The following RUNX1 variants were observed in gnomAD, a reference collection of about 807,000 sequenced individuals.
The protein encoded by RUNX1 is runt-related transcription factor 1.
A neutral mutation model predicts 42.8 loss-of-function variants in RUNX1; 19 were observed. The observed-to-expected ratio is 0.44, with a 90% CI of 0.31 to 0.65. The LOEUF (loss-of-function observed/expected upper bound fraction) is 0.65. Ranked by LOEUF, RUNX1 falls within the 30% of genes least tolerant of loss-of-function variation. The pLI is 0.07. For synonymous variants in RUNX1, 271 were observed against 289.4 expected, an observed-to-expected ratio of 0.94 and a Z score of 0.64; for missense variants, 528 against 672.0, an observed-to-expected ratio of 0.79 and a Z score of 2.37.
At chr21:35,016,059 C>T (rs1326009545) in intron 2 of RUNX1, among the ~76,000 whole-genome samples, 2 of 152,190 alleles carry the variant, frequency 1.3e-5, no homozygotes, top group Non-Finnish European at 2.9e-5. Flanking sequence ...AGCCTGGTCA[C>T]CTAATAACAG....
At chr21:34,798,411 T>C (rs963465644) in intron 8 of RUNX1, among the ~76,000 whole-genome samples, 1 of 152,218 alleles carries the variant, frequency 6.6e-6, no homozygotes, top group Non-Finnish European at 1.5e-5. Flanking sequence ...AAAGGGCTCA[T>C]AGGTTAAATG....
chr21:34,882,880 C>T (rs773383023), intron 4 of RUNX1, among the ~76,000 whole-genome samples: 3 of 152,150 alleles, frequency 2.0e-5, no homozygotes, highest in Non-Finnish European at 4.4e-5. Context: ...GTAACCCAGG[C>T]TTCTCTATTG....
Position 34,922,204 on chromosome 21 carries a change from G to A in RUNX1, c.59-29241C>T, listed in dbSNP as rs1601573330. On this transcript the variant is annotated intron_variant, in intron 2 of 8. Coordinates refer to ENST00000675419, the MANE Select transcript of RUNX1 (RefSeq NM_001754.5). The stretch of plus-strand genomic sequence containing the variant: ...GAGGCTGGTGCTCTGTGTGCCACAA[G>A]CAAGGTGTGTGCCGGTTCTAGAGGA... 9.2e-5 allele frequency among the ~76,000 whole-genome samples: 14 copies of A among 152,280 alleles called. 1 individual carries two copies. The South Asian group carries it at 2.9e-3, about 32-fold the overall frequency.
intron 7 of RUNX1, among the ~76,000 whole-genome samples, chr21:34,813,795 A>T (rs8129904): frequency 0.071 from 10,816 of 151,972 alleles, 971 homozygotes; most frequent in African/African-American, 0.22. Flanking sequence ...CTAATGTCTT[A>T]TGGAATGATA....
chr21:34,952,828 A>G (rs989659541), intron 2 of RUNX1, among the ~76,000 whole-genome samples: 1 of 152,056 alleles, frequency 6.6e-6, no homozygotes, highest in Non-Finnish European at 1.5e-5. Context: ...CTCATTAACT[A>G]CCTCCTCACA....
Position 34,788,576 on chromosome 21 carries a change from A to T in RUNX1, c.*3559T>A, listed in dbSNP as rs2056397924. On this transcript the variant is annotated 3_prime_UTR_variant, in exon 9 of 9. Coordinates refer to ENST00000675419, the MANE Select transcript of RUNX1 (RefSeq NM_001754.5). ...CACAAAAAAATTGAAAAAAAGTTAT[A>T]GGCATTAACAATATTTTATAATGAA... is the stretch of plus-strand genomic sequence containing the variant. 4.3e-6 allele frequency: 1 copy of T among 233,106 alleles called. No individual in the cohort carries two copies. 14.4% of individuals were successfully genotyped at this position (233,106 alleles called of 1,614,324 possible).
At chr21:34,851,631 A>G (rs2057420375) in intron 6 of RUNX1, among the ~76,000 whole-genome samples, 3 of 152,204 alleles carry the variant, frequency 2.0e-5, no homozygotes, top group African/African-American at 7.2e-5. Flanking sequence ...AATTCTAACA[A>G]GGACTGCAAT....
chr21:34,914,403 G>T (rs1459670454), intron 2 of RUNX1, among the ~76,000 whole-genome samples: 1 of 152,206 alleles, frequency 6.6e-6, no homozygotes, highest in Non-Finnish European at 1.5e-5. Flanking sequence ...GTAGGGATTT[G>T]TGTGGCAATT....
chr21:34,867,818 C>T (rs1323422226), intron 5 of RUNX1, among the ~76,000 whole-genome samples: 2 of 152,220 alleles, frequency 1.3e-5, no homozygotes, highest in African/African-American at 4.8e-5. Context: ...CAAGGCCACA[C>T]CTGCTGCCCT....
chr21:34,856,523 T>C (rs1332240085), intron 6 of RUNX1: 10 of 497,206 alleles, frequency 2.0e-5, no homozygotes, highest in Admixed American at 6.2e-5. Context: ...GACAGGTAGA[T>C]AAATGAAGGA....
chr21:35,021,394 T>C (rs371794890), intron 2 of RUNX1, among the ~76,000 whole-genome samples: 2 of 152,222 alleles, frequency 1.3e-5, no homozygotes, highest in Admixed American at 6.5e-5. Flanking sequence ...GCTGATTTTT[T>C]TCTCTATCAG....
At chr21:34,974,722 C>T (rs2058788312) in intron 2 of RUNX1, among the ~76,000 whole-genome samples, 2 of 152,182 alleles carry the variant, frequency 1.3e-5, no homozygotes, top group Non-Finnish European at 2.9e-5. Flanking sequence ...TTCCCTGGGA[C>T]TTTTCTTTAA....
intron 5 of RUNX1, among the ~76,000 whole-genome samples, chr21:34,867,268 A>C (rs1029724341): frequency 7.2e-5 from 11 of 151,754 alleles, no homozygotes; most frequent in African/African-American, 2.4e-4. Flanking sequence ...ATAAAATAAA[A>C]ATAAAAAATA....
At position 34,792,894 on chromosome 21, in the gene RUNX1, T is replaced by C. The variant is rs2056469262; in HGVS notation, c.968-284A>G. Among the ~76,000 whole-genome samples, 1 of 150,668 alleles carries C rather than the reference T, an allele frequency of 6.6e-6. No individual in the cohort carries two copies. Among genetic ancestry groups the C allele is most frequent in the Admixed American group, 6.6e-5 (1 of 15,132 alleles). On this transcript the variant is annotated intron_variant, in intron 8 of 8. Transcript: ENST00000675419. The surrounding 1 kb of genome is among the most constrained non-coding windows in gnomAD (Gnocchi z 6.9). ...TGTCACCTCCCAAGAGGATGGGGAC[T>C]ACCCATGATGCTATGCCCAGGAGGT...
At chr21:34,999,062 G>A (rs2059020501) in intron 2 of RUNX1, among the ~76,000 whole-genome samples, 1 of 152,218 alleles carries the variant, frequency 6.6e-6, no homozygotes, top group African/African-American at 2.4e-5. Context: ...GGTGAGTTGT[G>A]CTGGCCATCA....
intron 2 of RUNX1, among the ~76,000 whole-genome samples, chr21:34,911,653 C>T (rs2058273172): frequency 6.6e-6 from 1 of 152,162 alleles, no homozygotes; most frequent in Admixed American, 6.5e-5. Context: ...GATTGTGTCT[C>T]TCCTCCACCC....
chr21:34,888,912 A>C (rs987415271), intron 3 of RUNX1, among the ~76,000 whole-genome samples: 50 of 150,010 alleles, frequency 3.3e-4, no homozygotes, highest in Non-Finnish European at 6.8e-4. Context: ...GTCGGAGGCC[A>C]CCCCCGCGCC....
rs1568814239 is a variant in RUNX1, at chr21:35,047,547, A to ACT, written c.58+1294_58+1295insAG. ...CACACACACACACACACACACACAC[A>ACT]CACACACACACACACTCTCTCTCTC... On this transcript the variant is annotated intron_variant, in intron 2 of 8. Coordinates refer to ENST00000675419, the MANE Select transcript of RUNX1 (RefSeq NM_001754.5). Among the ~76,000 whole-genome samples the ACT allele has an allele frequency of 1.1e-3, 138 of 123,198 alleles. 1 individual carries two copies. Among genetic ancestry groups the ACT allele is most frequent in the Middle Eastern group, 4.2e-3 (1 of 240 alleles). The allele number at this position is 123,198 out of a possible 152,430, so 80.8% of individuals were successfully genotyped here. A position where few individuals can be genotyped will look rare whatever the true frequency, so the allele number is the denominator to read the frequency against.
At chr21:35,030,455 T>C (rs771543979) in intron 2 of RUNX1, among the ~76,000 whole-genome samples, 5 of 152,148 alleles carry the variant, frequency 3.3e-5, no homozygotes, top group Non-Finnish European at 7.4e-5. Flanking sequence ...TCAATAAATA[T>C]GGTCTAAATA....
Sources: gnomAD v4.1 joint callset for allele counts (sites outside exome capture counted in the v4.1 genomes callset) on GRCh38, gnomAD v4.1.1 for gene constraint, Gnocchi (gnomAD v3.1) non-coding constraint, MANE v1.5 for transcripts, NCBI Gene and HGNC (gene_info 2026-07-23, HGNC 2026-07-21) for gene names.